Variants in GALNT7 observed in about 807,000 individuals in gnomAD.
GALNT7 encodes the protein N-acetylgalactosaminyltransferase 7.
A neutral mutation model predicts 82.1 loss-of-function variants in GALNT7; 60 were observed. That is an observed-to-expected ratio of 0.73 (90% confidence interval 0.59 to 0.91). The LOEUF is 0.91. GALNT7 is among the 40% of genes least tolerant of loss of function. The pLI, the probability that GALNT7 is intolerant of heterozygous loss-of-function variation, is 0.00. For missense variants in GALNT7, 660 were observed against 804.2 expected (o/e 0.82, Z 2.17); for synonymous variants, 243 against 275.1 (o/e 0.88, Z 1.15).
At chr4:173,240,570 T>C in intron 1 of GALNT7, among the ~76,000 whole-genome samples, 1 of 152,026 alleles carries the variant, frequency 6.6e-6, no homozygotes, top group Non-Finnish European at 1.5e-5. Context: ...GGTTTCTCCA[T>C]GTTGGTTAGG....
At chr4:173,299,990 C>T (rs961005347) in intron 6 of GALNT7, among the ~76,000 whole-genome samples, 5 of 152,116 alleles carry the variant, frequency 3.3e-5, no homozygotes, top group Non-Finnish European at 7.4e-5. Context: ...CATGAGAGAA[C>T]AACTTTTTTC....
At position 173,313,945 on chromosome 4, in the gene GALNT7, T is replaced by TATATATA; in HGVS notation, c.1390-13_1390-12insATATATA. 1 of 1,121,484 alleles carries TATATATA rather than the reference T, an allele frequency of 8.9e-7. No individual in the cohort carries two copies. The highest frequency in any genetic ancestry group is 1.3e-6 in the Non-Finnish European group (1 of 774,206). 69.5% of individuals were successfully genotyped at this position (1,121,484 alleles called of 1,614,324 possible). A position where few individuals can be genotyped will look rare whatever the true frequency, so the allele number is the denominator to read the frequency against. On this transcript the variant is annotated splice_polypyrimidine_tract_variant and intron_variant, in intron 8 of 11. Coordinates refer to ENST00000265000, the MANE Select transcript of GALNT7 (RefSeq NM_017423.3). ...TTTATAACGATATATATATATATAT[T>TATATATA]TTTTTTTTACAGAATTATGTTAGAG...
chr4:173,188,401 T>G (rs1732520709), intron 1 of GALNT7, among the ~76,000 whole-genome samples: 1 of 152,218 alleles, frequency 6.6e-6, no homozygotes, highest in African/African-American at 2.4e-5. Context: ...ACAGGGGTTT[T>G]GGGCCAGTAA....
intron 2 of GALNT7, among the ~76,000 whole-genome samples, chr4:173,288,854 T>C (rs1268723076): frequency 2.0e-5 from 3 of 151,920 alleles, no homozygotes; most frequent in African/African-American, 4.8e-5. Flanking sequence ...AACAACTCTT[T>C]GTCTTAGTAA....
Position 173,168,875 on chromosome 4 carries a change from G to T in GALNT7, c.40G>T (p.Val14Leu). Residue 14 changes from valine to leucine, a missense_variant, in exon 1 of 12, where the codon GTG (valine) becomes TTG (leucine). Around this residue, in one of 2 missense-constraint regions of GALNT7, gnomAD observed 133 missense variants for 120.7 expected, o/e 1.10. Transcript: ENST00000265000. ...TGGGTTCATCTTACGCAGTTTGCTG[G>T]TGGTGGGAAGCTTCCTGGGGCTAGT... ...KIGFILRSLL[V>L]VGSFLGLVVL... The T allele has an allele frequency of 6.2e-7, 1 of 1,613,798 alleles. No homozygotes were observed. Among genetic ancestry groups the T allele is most frequent in the African/African-American group, 1.3e-5 (1 of 75,010 alleles).
chr4:173,265,978 C>G (rs1237801809), intron 2 of GALNT7, among the ~76,000 whole-genome samples: 1 of 152,056 alleles, frequency 6.6e-6, no homozygotes, highest in Non-Finnish European at 1.5e-5. Context: ...TTAGAACTGG[C>G]CAGGCTCAAT....
At chr4:173,267,126 A>C (rs1470352375) in intron 2 of GALNT7, among the ~76,000 whole-genome samples, 4 of 152,160 alleles carry the variant, frequency 2.6e-5, no homozygotes, top group Non-Finnish European at 5.9e-5. Context: ...GAGGTGGTGC[A>C]TATCCTAAAT....
intron 8 of GALNT7, among the ~76,000 whole-genome samples, chr4:173,305,180 T>C (rs558830310): frequency 8.2e-4 from 125 of 152,224 alleles, no homozygotes; most frequent in Non-Finnish European, 1.3e-3. Flanking sequence ...TGCATTTCTC[T>C]GATAATTAAT....
At position 173,323,507 on chromosome 4, in the gene GALNT7, G is replaced by A. The variant is rs1485908181; in HGVS notation, c.*1790G>A. 1 of 152,568 alleles carries A rather than the reference G, an allele frequency of 6.6e-6. No homozygotes were observed. Among genetic ancestry groups the A allele is most frequent in the African/African-American group, 2.4e-5 (1 of 41,458 alleles). 9.5% of individuals were successfully genotyped at this position (152,568 alleles called of 1,614,324 possible). On this transcript the variant is annotated 3_prime_UTR_variant, in exon 12 of 12. Coordinates refer to ENST00000265000, the MANE Select transcript of GALNT7 (RefSeq NM_017423.3). ...GAATTGGTACTTTAATTACTTGTGT[G>A]TTTGCAAATAGGCTCCATTTTCCAT... is the stretch of plus-strand genomic sequence containing the variant.
intron 2 of GALNT7, among the ~76,000 whole-genome samples, chr4:173,259,179 A>C (rs1388464948): frequency 6.6e-6 from 1 of 152,196 alleles, no homozygotes. Context: ...TTATGGGAGG[A>C]GGGTGTGACA....
intron 1 of GALNT7, among the ~76,000 whole-genome samples, chr4:173,227,523 G>A (rs1484885822): frequency 6.6e-6 from 1 of 152,086 alleles, no homozygotes; most frequent in Non-Finnish European, 1.5e-5. Context: ...AGTAGAGACG[G>A]GGTTTCACCG....
chr4:173,171,767 C>G (rs1003015662), intron 1 of GALNT7, among the ~76,000 whole-genome samples: 4 of 152,080 alleles, frequency 2.6e-5, no homozygotes, highest in African/African-American at 7.2e-5. Flanking sequence ...CAATTATATA[C>G]CAGGCATGGT....
intron 1 of GALNT7, among the ~76,000 whole-genome samples, chr4:173,237,887 G>A (rs1362270939): frequency 6.6e-6 from 1 of 152,114 alleles, no homozygotes; most frequent in African/African-American, 2.4e-5. Context: ...AAGTAGGGTT[G>A]ATTGGCACAA....
At chr4:173,218,633 A>T (rs1733545809) in intron 1 of GALNT7, among the ~76,000 whole-genome samples, 1 of 152,206 alleles carries the variant, frequency 6.6e-6, no homozygotes, top group Admixed American at 6.5e-5. Flanking sequence ...CTTTAAGTTA[A>T]GCATTGCTAT....
chr4:173,183,054 A>G (rs906156183), intron 1 of GALNT7, among the ~76,000 whole-genome samples: 1 of 110,340 alleles, frequency 9.1e-6, no homozygotes, highest in Non-Finnish European at 1.7e-5. Flanking sequence ...ACACACACAC[A>G]CACACACACA....
chr4:173,169,824 T>G (rs2126610469), intron 1 of GALNT7, among the ~76,000 whole-genome samples: 1 of 152,052 alleles, frequency 6.6e-6, no homozygotes, highest in Non-Finnish European at 1.5e-5. Context: ...GCGGCAGGGC[T>G]GCTTGGGCCG....
intron 1 of GALNT7, among the ~76,000 whole-genome samples, chr4:173,172,257 C>T (rs996693012): frequency 6.6e-6 from 1 of 152,226 alleles, no homozygotes; most frequent in Admixed American, 6.5e-5. Context: ...GGGCTGTCTG[C>T]ATGCGCAGTG....
intron 6 of GALNT7, among the ~76,000 whole-genome samples, chr4:173,298,595 T>C (rs565855255): frequency 1.3e-5 from 2 of 152,360 alleles, no homozygotes; most frequent in East Asian, 3.8e-4. Context: ...ATCTTAGTTA[T>C]CCTGTCCTAC....
intron 1 of GALNT7, among the ~76,000 whole-genome samples, chr4:173,236,427 C>T (rs1263616829): frequency 6.6e-6 from 1 of 152,186 alleles, no homozygotes; most frequent in Admixed American, 6.5e-5. Flanking sequence ...TTTCTTATCT[C>T]TCTGACAACA....
Sources: gnomAD v4.1 joint callset for allele counts (sites outside exome capture counted in the v4.1 genomes callset) on GRCh38, gnomAD v4.1.1 for gene constraint, gnomAD v4.1.1 regional missense constraint, MANE v1.5 for transcripts, NCBI Gene and HGNC (gene_info 2026-07-23, HGNC 2026-07-21) for gene names.